Variants in AGPAT3 observed in about 807,000 individuals in gnomAD.
AGPAT3 encodes 1-acyl-sn-glycerol-3-phosphate acyltransferase gamma.
AGPAT3 carries 5 observed loss-of-function variants against 47.3 expected under a neutral mutation model. The observed-to-expected ratio is 0.11, with a 90% CI of 0.06 to 0.22. The LOEUF is 0.22. Among genes scored for constraint, AGPAT3 ranks in the 10% least tolerant of loss-of-function variants. AGPAT3 has a pLI of 1.00. For synonymous variants in AGPAT3, 212 were observed against 208.3 expected (o/e 1.02, Z -0.15); for missense variants, 315 against 493.0 (o/e 0.64, Z 3.42).
Position 43,970,573 on chromosome 21 carries a change from G to A in AGPAT3, c.511-80G>A. On this transcript the variant is annotated intron_variant, in intron 5 of 9. Transcript: ENST00000291572. The surrounding 1 kb of genome is among the most constrained non-coding windows in gnomAD (Gnocchi z 5.8). ...AATTCAGCCACAACCTTTGCTGCCT[G>A]TCAGAGAGGCAGGCCTGGCCTGGAC... 6.7e-7 allele frequency: 1 copy of A among 1,498,716 alleles called. No homozygotes were observed. Among genetic ancestry groups the A allele is most frequent in the Non-Finnish European group, 9.1e-7 (1 of 1,098,140 alleles). 92.8% of individuals were successfully genotyped at this position (1,498,716 alleles called of 1,614,324 possible).
chr21:43,873,658 G>A (rs1350503854), intron 1 of AGPAT3, among the ~76,000 whole-genome samples: 5 of 152,152 alleles, frequency 3.3e-5, no homozygotes, highest in Admixed American at 1.3e-4. Context: ...GATTACAGGC[G>A]TGAGCCACTG....
rs1164614316 is a variant in AGPAT3, at chr21:43,922,083, A to AT, written c.-49+18070dup. ...ATGTGGGCTTCCTTATTTGGGGGAGATTTTTTATAATGGAAAAGGTTTCCT... is the reference window on the plus strand; with the variant it reads ...ATGTGGGCTTCCTTATTTGGGGGAGATTTTTTTATAATGGAAAAGGTTTCCT... On this transcript the variant is annotated intron_variant, in intron 2 of 9. Transcript: ENST00000291572. The surrounding 1 kb of genome is among the most constrained non-coding windows in gnomAD (Gnocchi z 4.9). 6.6e-6 allele frequency among the ~76,000 whole-genome samples: 1 copy of AT among 151,940 alleles called. No individual in the cohort carries two copies. Among genetic ancestry groups the AT allele is most frequent in the Non-Finnish European group, 1.5e-5 (1 of 67,996 alleles).
intron 1 of AGPAT3, among the ~76,000 whole-genome samples, chr21:43,876,610 TG>T (rs1318228901): frequency 6.6e-6 from 1 of 152,200 alleles, no homozygotes; most frequent in Admixed American, 6.5e-5. Flanking sequence ...AAATTGCTGA[TG>T]GTGGAGGTGG....
At position 43,902,130 on chromosome 21, in the gene AGPAT3, G is replaced by A. The variant is rs557716379; in HGVS notation, c.-111-1827G>A. ...CAATACACACCATCATCCAATTGCC[G>A]AGAATCCTGAAAGTAGACAGAGGCA... is the stretch of plus-strand genomic sequence containing the variant. On this transcript the variant is annotated intron_variant, in intron 1 of 9. Coordinates refer to ENST00000291572, the MANE Select transcript of AGPAT3 (RefSeq NM_020132.5). Among the ~76,000 whole-genome samples the A allele has an allele frequency of 8.5e-5, 13 of 152,252 alleles. No homozygotes were observed. The South Asian group carries it at 2.5e-3, about 29-fold the overall frequency.
At chr21:43,866,946 C>A (rs2085520638) in intron 1 of AGPAT3, among the ~76,000 whole-genome samples, 1 of 152,216 alleles carries the variant, frequency 6.6e-6, no homozygotes, top group South Asian at 2.1e-4. Flanking sequence ...CTAGAACAGG[C>A]CTTCCTGGAG....
At chr21:43,870,259 C>T (rs1421898377) in intron 1 of AGPAT3, among the ~76,000 whole-genome samples, 1 of 152,138 alleles carries the variant, frequency 6.6e-6, no homozygotes, top group African/African-American at 2.4e-5. Flanking sequence ...AGGTTATTTT[C>T]AGTTTTCTAA....
chr21:43,906,846 G>T (rs746823701), intron 2 of AGPAT3, among the ~76,000 whole-genome samples: 1 of 152,144 alleles, frequency 6.6e-6, no homozygotes, highest in Non-Finnish European at 1.5e-5. Flanking sequence ...CCGCCTGGGC[G>T]AGCCGACACA....
At position 43,968,067 on chromosome 21, in the gene AGPAT3, C is replaced by G; in HGVS notation, c.300C>G (p.Ile100Met). Residue 100 changes from isoleucine (I) to methionine (M), a missense_variant, in exon 4 of 10, where the codon ATC (isoleucine) becomes ATG (methionine). Transcript: ENST00000291572. Reference sequence around the variant, plus strand: ...TCATCCTCAACCACAACTTCGAGATCGACTTCCTCTGTGGGTGGACCATGT... The same window carrying G: ...TCATCCTCAACCACAACTTCGAGATGGACTTCCTCTGTGGGTGGACCATGT... ...AVIILNHNFEIDFLCGWTMCE... is the reference protein window; with the variant it reads ...AVIILNHNFEMDFLCGWTMCE... The G allele has an allele frequency of 1.2e-6, 2 of 1,613,832 alleles. No individual in the cohort carries two copies. Among genetic ancestry groups the G allele is most frequent in the Non-Finnish European group, 1.7e-6 (2 of 1,179,978 alleles).
In AGPAT3 at chr21:43,933,689, G is replaced by A. The variant is rs1448398871; in HGVS notation, c.-48-25945G>A. On this transcript the variant is annotated intron_variant, in intron 2 of 9. Transcript: ENST00000291572. This position sits in a 1 kb window ranked among gnomAD's most constrained non-coding sequence, Gnocchi z 6.0. Reference sequence around the variant, plus strand: ...AGTCTCGGCATGTAGCAGCAAATGTGGGAGGGGCAGCACAGGGGAAAGGTG... The same window carrying A: ...AGTCTCGGCATGTAGCAGCAAATGTAGGAGGGGCAGCACAGGGGAAAGGTG... 6.6e-6 allele frequency among the ~76,000 whole-genome samples: 1 copy of A among 151,918 alleles called. No individual in the cohort carries two copies. The highest frequency in any genetic ancestry group is 2.4e-5 in the African/African-American group (1 of 41,312).
Position 43,970,591 on chromosome 21 carries a change from G to A in AGPAT3, c.511-62G>A. The A allele has an allele frequency of 6.4e-7, 1 of 1,573,832 alleles. No individual in the cohort carries two copies. Among genetic ancestry groups the A allele is most frequent in the Non-Finnish European group, 8.7e-7 (1 of 1,154,582 alleles). ...GCTGCCTGTCAGAGAGGCAGGCCTG[G>A]CCTGGACATGCACCCACCCCAGCTG... On this transcript the variant is annotated intron_variant, in intron 5 of 9. Transcript: ENST00000291572. This position sits in a 1 kb window ranked among gnomAD's most constrained non-coding sequence, Gnocchi z 5.8.
rs1222657845 is a variant in AGPAT3 at position 43,970,515 on chromosome 21, G to A, written c.511-138G>A. On this transcript the variant is annotated intron_variant, in intron 5 of 9. Coordinates refer to ENST00000291572, the MANE Select transcript of AGPAT3 (RefSeq NM_020132.5). The surrounding 1 kb of genome is among the most constrained non-coding windows in gnomAD (Gnocchi z 5.8). ...AAAGAACCTTTCAGTCATAACCCAT[G>A]CTGCTCGCTAAAGCGGTTCCAAGAT... The A allele has an allele frequency of 2.4e-6, 2 of 837,306 alleles. No individual in the cohort carries two copies. The highest frequency in any genetic ancestry group is 3.7e-6 in the Non-Finnish European group (2 of 545,508). The allele number at this position is 837,306 out of a possible 1,614,324, so 51.9% of individuals were successfully genotyped here.
At chr21:43,935,569 G>A (rs905492059) in intron 2 of AGPAT3, among the ~76,000 whole-genome samples, 8 of 152,222 alleles carry the variant, frequency 5.3e-5, no homozygotes, top group African/African-American at 1.4e-4. Flanking sequence ...GCGCTGCTGC[G>A]GAGCTCGGAG....
intron 3 of AGPAT3, among the ~76,000 whole-genome samples, chr21:43,961,421 T>C (rs2088830846): frequency 6.7e-6 from 1 of 150,256 alleles, no homozygotes; most frequent in Non-Finnish European, 1.5e-5. Context: ...TGGGAAACGG[T>C]GAGCGCATAG....
Position 43,982,435 on chromosome 21 carries a change from C to A in AGPAT3, c.*43C>A. 1 of 1,438,344 alleles carries A rather than the reference C, an allele frequency of 7.0e-7. No homozygotes were observed. The highest frequency in any genetic ancestry group is 9.8e-7 in the Non-Finnish European group (1 of 1,024,902). The allele number at this position is 1,438,344 out of a possible 1,614,324, so 89.1% of individuals were successfully genotyped here. On this transcript the variant is annotated 3_prime_UTR_variant, in exon 10 of 10. Transcript: ENST00000291572. The surrounding 1 kb of genome is among the most constrained non-coding windows in gnomAD (Gnocchi z 6.2). ...ACACACGCGGCCCTGACGGTGGTATCCAGTTAACTCAAAACCAACACACAG... is the reference window on the plus strand; with the variant it reads ...ACACACGCGGCCCTGACGGTGGTATACAGTTAACTCAAAACCAACACACAG...
chr21:43,978,413 C>T (rs1373784995), intron 8 of AGPAT3, among the ~76,000 whole-genome samples: 1 of 152,174 alleles, frequency 6.6e-6, no homozygotes, highest in African/African-American at 2.4e-5. Context: ...AGCGATCCTC[C>T]TGCCTCAGCC....
intron 2 of AGPAT3, among the ~76,000 whole-genome samples, chr21:43,938,864 G>T (rs2087541447): frequency 6.6e-6 from 1 of 152,196 alleles, no homozygotes; most frequent in African/African-American, 2.4e-5. Flanking sequence ...GTTGGCCGGG[G>T]ATGCAGTCAC....
rs2089876401 is a variant in AGPAT3, at chr21:43,982,131, C to T, written c.1043-173C>T. On this transcript the variant is annotated intron_variant, in intron 9 of 9. Coordinates refer to ENST00000291572, the MANE Select transcript of AGPAT3 (RefSeq NM_020132.5). This position sits in a 1 kb window ranked among gnomAD's most constrained non-coding sequence, Gnocchi z 6.2. ...CACCCCTGCCTGAGCAGACCACGGT[C>T]TGAGAGGGCTGTCTCCCCGCGGGCC... Among the ~76,000 whole-genome samples, 1 of 152,206 alleles carries T rather than the reference C, an allele frequency of 6.6e-6. No individual in the cohort carries two copies. The highest frequency in any genetic ancestry group is 1.5e-5 in the Non-Finnish European group (1 of 68,040).
At chr21:43,917,758 C>T (rs1006281720) in intron 2 of AGPAT3, among the ~76,000 whole-genome samples, 59 of 147,788 alleles carry the variant, frequency 4.0e-4, no homozygotes, top group African/African-American at 1.3e-3. Flanking sequence ...GCATCTTCCC[C>T]GGCAGAACTG....
chr21:43,872,173 ATGG>A (rs766778208), intron 1 of AGPAT3, among the ~76,000 whole-genome samples: 10 of 150,256 alleles, frequency 6.7e-5, no homozygotes, highest in South Asian at 4.2e-4. Flanking sequence ...GCTTTTGTAA[ATGG>A]TGTTTTTTTT....
Sources: gnomAD v4.1 joint callset for allele counts (sites outside exome capture counted in the v4.1 genomes callset) on GRCh38, gnomAD v4.1.1 for gene constraint, Gnocchi (gnomAD v3.1) non-coding constraint, MANE v1.5 for transcripts, NCBI Gene and HGNC (gene_info 2026-07-23, HGNC 2026-07-21) for gene names.